Variants in INTS3 observed in about 807,000 individuals in gnomAD.
INTS3 encodes the protein SOSS complex subunit A.
In INTS3, 34 loss-of-function variants were observed where a neutral mutation model predicts 146.3. That is an observed-to-expected ratio of 0.23 (90% CI 0.18 to 0.31). The LOEUF is 0.31. INTS3 is among the 10% of genes least tolerant of loss of function. The probability of loss-of-function intolerance (pLI) is 1.00; values close to 1 mark genes in which losing one functional copy is unlikely to be tolerated. For missense variants in INTS3, 757 were observed against 1,304.2 expected, an observed-to-expected ratio of 0.58 and a Z score of 6.46; for synonymous variants, 475 against 494.9, an observed-to-expected ratio of 0.96 and a Z score of 0.53.
chr1:153,728,096 T>A lies in INTS3; in HGVS notation c.-539T>A. On this transcript the variant is annotated 5_prime_UTR_variant, in exon 1 of 30. An upstream open reading frame in the 5' UTR gains an earlier in-frame stop. Coordinates refer to ENST00000318967, the MANE Select transcript of INTS3 (RefSeq NM_023015.5). ...CCACTATGGCCGCTTCTGTGTGGTG[T>A]GGGGAGACGCTGGTCCTCCCCGTCC... The A allele has an allele frequency of 8.7e-6, 2 of 230,848 alleles. No individual in the cohort carries two copies. Among genetic ancestry groups the A allele is most frequent in the Non-Finnish European group, 1.6e-5 (2 of 125,028 alleles). 14.3% of individuals were successfully genotyped at this position (230,848 alleles called of 1,614,324 possible).
intron 15 of INTS3, 66 bp from the exon 16 acceptor site, chr1:153,763,167 T>C: frequency 1.2e-6 from 2 of 1,603,590 alleles, no homozygotes; most frequent in South Asian, 1.1e-5. Context: ...GATAAGTCAT[T>C]GAGGGGACTG....
intron 1 of INTS3, 61 bp downstream of exon 1, chr1:153,728,845 A>G: frequency 3.5e-6 from 1 of 282,522 alleles, no homozygotes; most frequent in Non-Finnish European, 6.1e-6. Context: ...ACTGGAGCGG[A>G]TACCGGGTGG....
chr1:153,738,587 G>T (rs539235604), intron 1 of INTS3, among the ~76,000 whole-genome samples: 107 of 152,302 alleles, frequency 7.0e-4, no homozygotes, highest in Non-Finnish European at 1.2e-3. Context: ...TATTAACTTT[G>T]ATCACTTGGT....
chr1:153,761,607 AAGG>A lies in INTS3; in HGVS notation c.1450_1452del (p.Glu484del). On this transcript the variant is annotated inframe_deletion, in exon 14 of 30. Coordinates refer to ENST00000318967, the MANE Select transcript of INTS3 (RefSeq NM_023015.5). ...CCTGTTTGACAACCCTAAGTTGGAT[AAGG>A]AGCTGCGGGCAATGCTGAGAGAGAA... 6.2e-7 allele frequency: 1 copy of A among 1,614,184 alleles called. No individual in the cohort carries two copies. The highest frequency in any genetic ancestry group is 8.5e-7 in the Non-Finnish European group (1 of 1,179,970).
At chr1:153,736,011 C>T (rs1331400435) in intron 1 of INTS3, among the ~76,000 whole-genome samples, 2 of 152,126 alleles carry the variant, frequency 1.3e-5, no homozygotes, top group Admixed American at 6.5e-5. Flanking sequence ...GGATTACAGG[C>T]GTGAGCCACT....
Position 153,741,319 on chromosome 1 carries a change from G to A in INTS3, c.269G>A (p.Cys90Tyr). Residue 90 changes from cysteine to tyrosine, a missense_variant, in exon 3 of 30, where the codon TGC (cysteine) becomes TAC (tyrosine). Transcript: ENST00000318967. ...CKGLPQHEEI[C>Y]LGLFTLILTE... Reference sequence around the variant, plus strand: ...GGCCTCCCCCAGCATGAAGAAATCTGCCTGGGCCTGTTTACTCTCATCCTC... The same window carrying A: ...GGCCTCCCCCAGCATGAAGAAATCTACCTGGGCCTGTTTACTCTCATCCTC... 1.2e-6 allele frequency: 2 copies of A among 1,614,070 alleles called. No homozygotes were observed. Among genetic ancestry groups the A allele is most frequent in the Non-Finnish European group, 8.5e-7 (1 of 1,180,016 alleles).
intron 3 of INTS3, among the ~76,000 whole-genome samples, chr1:153,745,472 A>G (rs1557994213): frequency 6.6e-6 from 1 of 151,348 alleles, no homozygotes; most frequent in East Asian, 2.0e-4. Flanking sequence ...GCTATACTAT[A>G]TGATTATTAT....
At chr1:153,738,832 GTATC>G (rs907340592) in intron 1 of INTS3, among the ~76,000 whole-genome samples, 1 of 150,646 alleles carries the variant, frequency 6.6e-6, no homozygotes, top group African/African-American at 2.4e-5. Flanking sequence ...TATTATGTAT[GTATC>G]TATCAAAATG....
chr1:153,748,767 C>T lies in INTS3; in HGVS notation c.584+12C>T, dbSNP rs767310192. Reference sequence around the variant, plus strand: ...CTGACAGAGCAAAGGTAGCATCCACCACGAAGGGTGGGGTACAGGCCAGAT... The same window carrying T: ...CTGACAGAGCAAAGGTAGCATCCACTACGAAGGGTGGGGTACAGGCCAGAT... On this transcript the variant is annotated intron_variant, in intron 6 of 29. Coordinates refer to ENST00000318967, the MANE Select transcript of INTS3 (RefSeq NM_023015.5). 2.5e-6 allele frequency: 4 copies of T among 1,610,752 alleles called. No homozygotes were observed. In the South Asian group the frequency reaches 3.3e-5, roughly 13 times the overall value.
chr1:153,762,786 G>A lies in INTS3; in HGVS notation c.1575G>A (p.Glu525=), dbSNP rs1291670859. The A allele has an allele frequency of 1.2e-6, 2 of 1,614,080 alleles. No individual in the cohort carries two copies. Among genetic ancestry groups the A allele is most frequent in the African/African-American group, 1.3e-5 (1 of 74,938 alleles). ...ACAACCATATGTCGGATAAGGATGA[G>A]AGTTGCTATGACAATGCAGAGGCAG... ...EMDNHMSDKD[E]SCYDNAEAAF... The change falls in exon 15 of 30, where the codon GAG becomes GAA. Residue 525 remains glutamate (E), a synonymous_variant. Transcript: ENST00000318967.
At chr1:153,737,865 AGTTT>A (rs1222943399) in intron 1 of INTS3, among the ~76,000 whole-genome samples, 2 of 152,056 alleles carry the variant, frequency 1.3e-5, no homozygotes, top group Non-Finnish European at 2.9e-5. Flanking sequence ...TTGTTTTTAA[AGTTT>A]GTTCTTAACA....
In INTS3 at chr1:153,761,563, CA is replaced by C; in HGVS notation, c.1410-6del. On this transcript the variant is annotated splice_region_variant and splice_polypyrimidine_tract_variant and intron_variant, in intron 13 of 29. Transcript: ENST00000318967. Reference sequence around the variant, plus strand: ...TGATATTGACCTTCATCATGTTCCCCATTTAGACACCTAGCTCCCCTGTTTG... The same window carrying C: ...TGATATTGACCTTCATCATGTTCCCCTTTAGACACCTAGCTCCCCTGTTTG... 6.3e-7 allele frequency: 1 copy of C among 1,594,448 alleles called. No homozygotes were observed. Among genetic ancestry groups the C allele is most frequent in the Non-Finnish European group, 8.6e-7 (1 of 1,162,786 alleles).
At chr1:153,745,160 A>G (rs1275226997) in intron 3 of INTS3, among the ~76,000 whole-genome samples, 2 of 108,376 alleles carry the variant, frequency 1.8e-5, no homozygotes, top group Non-Finnish European at 3.5e-5. Flanking sequence ...TCCTTGCTGT[A>G]CTTTTTTTTT....
Position 153,762,863 on chromosome 1 carries a change from A to C in INTS3, c.1636+16A>C. ...AACAGCAAAGGTGAGGCCATCAGCA[A>C]GGGCTAGTTCAGGGTTGTGTCAGCC... On this transcript the variant is annotated intron_variant, in intron 15 of 29. Coordinates refer to ENST00000318967, the MANE Select transcript of INTS3 (RefSeq NM_023015.5). 6.2e-7 allele frequency: 1 copy of C among 1,613,528 alleles called. No individual in the cohort carries two copies. The highest frequency in any genetic ancestry group is 8.5e-7 in the Non-Finnish European group (1 of 1,179,934).
rs1023436758 is a variant in INTS3, at chr1:153,757,311, G to A, written c.958-261G>A. Among the ~76,000 whole-genome samples, 73 of 152,204 alleles carry A rather than the reference G, an allele frequency of 4.8e-4. No individual in the cohort carries two copies. The highest frequency in any genetic ancestry group is 1.3e-4 in the Non-Finnish European group (9 of 68,024). Reference sequence around the variant, plus strand: ...AAAAACTGGACTGAAGTTGCAGTTGGGGGTAAATGTAGCCTGAGGTCAGTG... The same window carrying A: ...AAAAACTGGACTGAAGTTGCAGTTGAGGGTAAATGTAGCCTGAGGTCAGTG... On this transcript the variant is annotated intron_variant, in intron 9 of 29. Coordinates refer to ENST00000318967, the MANE Select transcript of INTS3 (RefSeq NM_023015.5). The surrounding 1 kb of genome is among the most constrained non-coding windows in gnomAD (Gnocchi z 4.0).
intron 10 of INTS3, among the ~76,000 whole-genome samples, chr1:153,759,061 A>G (rs1212258388): frequency 6.7e-6 from 1 of 150,094 alleles, no homozygotes; most frequent in Non-Finnish European, 1.5e-5. Flanking sequence ...AGGCTGGAGT[A>G]AGCCGTGATC....
chr1:153,767,620 T>C (rs1672642920), intron 20 of INTS3, 54 bp from the exon 21 acceptor site: 3 of 1,503,640 alleles, frequency 2.0e-6, no homozygotes, highest in East Asian at 2.5e-5. Context: ...TCGGGGATGC[T>C]TGAAGGTGGG....
At chr1:153,740,813 A>G (rs1285123384) in intron 2 of INTS3, 79 bp downstream of exon 2, 1 of 1,164,468 alleles carries the variant, frequency 8.6e-7, no homozygotes, top group African/African-American at 1.5e-5. Flanking sequence ...GGAAAGACTA[A>G]GTGGTTGGGG....
In INTS3 at chr1:153,758,526, T is replaced by C. The variant is rs114718159; in HGVS notation, c.1149+763T>C. Among the ~76,000 whole-genome samples, 761 of 152,210 alleles carry C rather than the reference T, an allele frequency of 5.0e-3. 5 individuals carry two copies. Among genetic ancestry groups the C allele is most frequent in the African/African-American group, 0.018 (729 of 41,544 alleles). On this transcript the variant is annotated intron_variant, in intron 10 of 29. Coordinates refer to ENST00000318967, the MANE Select transcript of INTS3 (RefSeq NM_023015.5). ...GCTGGATGTATCAAGAACCCAGGCC[T>C]GCCGAGCACGGTGGCTCACGCCTGT...
Sources: gnomAD v4.1 joint callset for allele counts (sites outside exome capture counted in the v4.1 genomes callset) on GRCh38, gnomAD v4.1.1 for gene constraint, Gnocchi (gnomAD v3.1) non-coding constraint, MANE v1.5 for transcripts, NCBI Gene and HGNC (gene_info 2026-07-23, HGNC 2026-07-21) for gene names.